UBR1: variants seen among roughly 807,000 people sequenced by gnomAD.
UBR1 encodes the protein ubiquitin protein ligase E3 component n-recognin 1, also known as E3 ubiquitin-protein ligase UBR1.
Under a neutral mutation model 242.1 loss-of-function variants are expected in UBR1, and 102 were observed. That is an observed-to-expected ratio of 0.42 (90% confidence interval 0.36 to 0.50). The LOEUF is 0.50. Among genes scored for constraint, UBR1 ranks in the 20% least tolerant of loss-of-function variants. The pLI is 0.01. For missense variants in UBR1, 1,772 were observed against 2,101.8 expected (o/e 0.84, Z 3.07); for synonymous variants, 675 against 684.8 (o/e 0.99, Z 0.22).
At chr15:43,002,528 T>C (rs1429441377) in intron 32 of UBR1, 27 bp downstream of exon 32, 2 of 1,609,346 alleles carry the variant, frequency 1.2e-6, no homozygotes, top group Admixed American at 1.7e-5. Flanking sequence ...TTTTAAAAAA[T>C]TAACCAAAAC....
intron 13 of UBR1, among the ~76,000 whole-genome samples, chr15:43,048,187 G>GAAA (rs79911143): frequency 7.9e-6 from 1 of 126,962 alleles, no homozygotes. Context: ...CTCTGTCTTC[G>GAAA]AAAAAAAAAA....
chr15:43,039,495 A>G (rs1237816135), intron 15 of UBR1, among the ~76,000 whole-genome samples: 2 of 152,194 alleles, frequency 1.3e-5, no homozygotes, highest in Admixed American at 6.5e-5. Flanking sequence ...TTATTGGTGT[A>G]TAAGAATGCT....
chr15:43,065,178 G>C (rs1478375706), intron 6 of UBR1, among the ~76,000 whole-genome samples: 3 of 152,072 alleles, frequency 2.0e-5, no homozygotes, highest in Non-Finnish European at 2.9e-5. Flanking sequence ...ATTGACATCT[G>C]ACCAAATCTG....
chr15:43,014,127 G>A (rs544032634), intron 29 of UBR1, among the ~76,000 whole-genome samples: 6 of 152,352 alleles, frequency 3.9e-5, no homozygotes, highest in Admixed American at 2.6e-4. Context: ...CGAGTGATCC[G>A]CCAGCCTCGG....
At chr15:43,039,634 T>G (rs552292875) in intron 15 of UBR1, among the ~76,000 whole-genome samples, 2 of 152,190 alleles carry the variant, frequency 1.3e-5, no homozygotes, top group Admixed American at 1.3e-4. Flanking sequence ...ACAGGGACAC[T>G]TTGACTTCCT....
intron 3 of UBR1, among the ~76,000 whole-genome samples, chr15:43,076,796 GGCCA>G (rs2033905363): frequency 7.4e-6 from 1 of 135,486 alleles, no homozygotes; most frequent in Non-Finnish European, 1.6e-5. Context: ...CCCCCCGCCC[GGCCA>G]GCCGCCCCGT....
At chr15:43,098,258 A>G (rs1410209214) in intron 1 of UBR1, among the ~76,000 whole-genome samples, 1 of 152,202 alleles carries the variant, frequency 6.6e-6, no homozygotes, top group Non-Finnish European at 1.5e-5. Flanking sequence ...TGGCACCCCA[A>G]AACAATTACA....
intron 37 of UBR1, 39 bp from the exon 38 acceptor site, chr15:42,977,986 G>A (rs1285460405): frequency 7.2e-6 from 11 of 1,532,292 alleles, no homozygotes; most frequent in Non-Finnish European, 9.9e-6. Flanking sequence ...CAGTCAGTAA[G>A]ATAGCAGTGT....
At chr15:43,104,657 T>A (rs530120440) in intron 1 of UBR1, among the ~76,000 whole-genome samples, 25 of 151,982 alleles carry the variant, frequency 1.6e-4, no homozygotes, top group Non-Finnish European at 3.1e-4. Context: ...CCTCTGTAGT[T>A]CCCTCTGTTC....
intron 15 of UBR1, among the ~76,000 whole-genome samples, chr15:43,038,994 T>A (rs2033378661): frequency 6.6e-6 from 1 of 151,538 alleles, no homozygotes. Context: ...AAAATTTTTA[T>A]TTTTATTAAA....
intron 2 of UBR1, 63 bp downstream of exon 2, chr15:43,085,921 A>C: frequency 1.3e-5 from 2 of 155,490 alleles, no homozygotes; most frequent in Non-Finnish European, 1.2e-5. Flanking sequence ...ACTCTGTTTC[A>C]AAAAAAAAAA....
chr15:43,012,670 G>A (rs1306657659), intron 29 of UBR1, among the ~76,000 whole-genome samples: 1 of 152,030 alleles, frequency 6.6e-6, no homozygotes. Context: ...ATAGTATGTT[G>A]TTAATACATA....
chr15:43,049,332 G>C (rs1418541622), intron 12 of UBR1, among the ~76,000 whole-genome samples: 2 of 152,194 alleles, frequency 1.3e-5, no homozygotes, highest in African/African-American at 4.8e-5. Context: ...AGGAGGCCGA[G>C]GCAGGTGGAT....
intron 44 of UBR1, 53 bp downstream of exon 44, chr15:42,957,960 G>A (rs1041569835): frequency 2.6e-5 from 38 of 1,457,162 alleles, no homozygotes; most frequent in East Asian, 6.8e-5. Context: ...TACCAATTGC[G>A]AGTTCAGAAA....
intron 1 of UBR1, among the ~76,000 whole-genome samples, chr15:43,102,715 T>G (rs924767982): frequency 6.6e-6 from 1 of 152,196 alleles, no homozygotes; most frequent in African/African-American, 2.4e-5. Flanking sequence ...ATCACACTAC[T>G]CTCACCTCCT....
intron 46 of UBR1, among the ~76,000 whole-genome samples, chr15:42,947,709 T>C (rs1291690268): frequency 1.3e-5 from 2 of 152,198 alleles, no homozygotes; most frequent in Non-Finnish European, 2.9e-5. Context: ...ATAAAATACT[T>C]AGGAATCCAA....
At chr15:43,059,215 A>T (rs1054187120) in intron 8 of UBR1, 23 bp from the exon 9 acceptor site, 1 of 1,588,618 alleles carries the variant, frequency 6.3e-7, no homozygotes, top group African/African-American at 1.3e-5. Context: ...GAGGTCACAC[A>T]GTTACACAAC....
intron 12 of UBR1, among the ~76,000 whole-genome samples, chr15:43,050,685 C>T (rs535057290): frequency 7.7e-4 from 113 of 146,852 alleles, no homozygotes; most frequent in Admixed American, 2.0e-4. Context: ...GATAGTGCTA[C>T]TGCATTCCAG....
chr15:42,990,056 G>A lies in UBR1; in HGVS notation c.3822C>T (p.Ser1274=). The change falls in exon 34 of 47, where the codon TCC becomes TCT. Residue 1274 remains serine, a synonymous_variant. Coordinates refer to ENST00000290650, the MANE Select transcript of UBR1 (RefSeq NM_174916.3). The stretch of plus-strand genomic sequence containing the variant: ...AAGACTCAACGCCAAAACTCAGGAT[G>A]GAATGGAACTCCAAAGTAGAATCTC... The part of the protein sequence containing the change: ...GMGDSTLEFH[S]ILSFGVESSI... 1 of 1,609,336 alleles carries A rather than the reference G, an allele frequency of 6.2e-7. No homozygotes were observed. Among genetic ancestry groups the A allele is most frequent in the South Asian group, 1.1e-5 (1 of 90,354 alleles).
Sources: gnomAD v4.1 joint callset for allele counts (sites outside exome capture counted in the v4.1 genomes callset) on GRCh38, gnomAD v4.1.1 for gene constraint, MANE v1.5 for transcripts, NCBI Gene and HGNC (gene_info 2026-07-23, HGNC 2026-07-21) for gene names.